NRXN3: variants seen among roughly 807,000 people sequenced by gnomAD.
NRXN3 encodes the protein neurexin III.
A neutral mutation model predicts 137.6 loss-of-function variants in NRXN3; 32 were observed. That is an observed-to-expected ratio of 0.23 (90% confidence interval 0.18 to 0.31). NRXN3 has a LOEUF of 0.31. Ranked by LOEUF, NRXN3 falls within the 10% of genes least tolerant of loss-of-function variation. The pLI, the probability that NRXN3 is intolerant of heterozygous loss-of-function variation, is 1.00. For missense variants in NRXN3, 1,574 were observed against 2,062.5 expected (o/e 0.76, Z 4.59); for synonymous variants, 798 against 784.5 (o/e 1.02, Z -0.29).
intron 4 of NRXN3, among the ~76,000 whole-genome samples, chr14:78,524,905 G>C (rs959030573): frequency 6.6e-6 from 1 of 152,158 alleles, no homozygotes; most frequent in Admixed American, 6.5e-5. Context: ...ATGTGAGTTT[G>C]CCTGAAGAGG....
chr14:79,801,441 G>A (rs1363036628), intron 19 of NRXN3, among the ~76,000 whole-genome samples: 2 of 152,214 alleles, frequency 1.3e-5, no homozygotes, highest in Non-Finnish European at 2.9e-5. Context: ...TAAATTAGGA[G>A]TGGCTATCAG....
At chr14:78,757,528 C>G (rs1175891819) in intron 8 of NRXN3, among the ~76,000 whole-genome samples, 1 of 152,110 alleles carries the variant, frequency 6.6e-6, no homozygotes, top group African/African-American at 2.4e-5. Context: ...TGTCTGTCTT[C>G]AAGGTATGGA....
chr14:79,394,367 A>G (rs1211649644), intron 15 of NRXN3, among the ~76,000 whole-genome samples: 4 of 152,224 alleles, frequency 2.6e-5, no homozygotes, highest in African/African-American at 9.6e-5. Context: ...GTGATTAGTC[A>G]GGTACACTTC....
intron 15 of NRXN3, among the ~76,000 whole-genome samples, chr14:79,098,296 A>G (rs1245183168): frequency 6.6e-6 from 1 of 152,218 alleles, no homozygotes; most frequent in Non-Finnish European, 1.5e-5. Context: ...GAGATACCCC[A>G]GTTCCTTAAA....
At chr14:79,336,241 T>A (rs1018573984) in intron 15 of NRXN3, among the ~76,000 whole-genome samples, 5 of 152,116 alleles carry the variant, frequency 3.3e-5, no homozygotes, top group Non-Finnish European at 7.4e-5. Context: ...CCCCCCATTC[T>A]TACAACAGCC....
At chr14:79,379,471 A>G (rs1209595975) in intron 15 of NRXN3, among the ~76,000 whole-genome samples, 1 of 152,150 alleles carries the variant, frequency 6.6e-6, no homozygotes, top group African/African-American at 2.4e-5. Flanking sequence ...AGCTGCTTCC[A>G]CAATAACATA....
intron 1 of NRXN3, among the ~76,000 whole-genome samples, chr14:78,172,451 G>A (rs1233292903): frequency 6.6e-6 from 1 of 152,190 alleles, no homozygotes; most frequent in African/African-American, 2.4e-5. Flanking sequence ...GGAGTGAGAG[G>A]AGGCAAGGCT....
intron 2 of NRXN3, among the ~76,000 whole-genome samples, chr14:78,270,787 A>G (rs1954523288): frequency 6.6e-6 from 1 of 152,378 alleles, no homozygotes; most frequent in South Asian, 2.1e-4. Flanking sequence ...CAGTTCTGTT[A>G]CAACACTTGT....
intron 19 of NRXN3, among the ~76,000 whole-genome samples, chr14:79,779,669 C>G (rs923741552): frequency 1.3e-5 from 2 of 152,102 alleles, no homozygotes; most frequent in African/African-American, 4.8e-5. Context: ...TCTCTCTACC[C>G]CCATCCCATC....
intron 2 of NRXN3, among the ~76,000 whole-genome samples, chr14:78,262,661 C>T (rs187874815): frequency 2.6e-5 from 4 of 152,238 alleles, no homozygotes; most frequent in East Asian, 1.9e-4. Flanking sequence ...TTTGTTTTCT[C>T]GGTACATGAA....
At chr14:79,281,275 T>C (rs540554761) in intron 15 of NRXN3, among the ~76,000 whole-genome samples, 1 of 152,264 alleles carries the variant, frequency 6.6e-6, no homozygotes, top group Non-Finnish European at 1.5e-5. Context: ...TGTATGCAAA[T>C]GTTATTTCAT....
At chr14:78,502,296 G>A (rs1225723835) in intron 4 of NRXN3, among the ~76,000 whole-genome samples, 1 of 152,192 alleles carries the variant, frequency 6.6e-6, no homozygotes, top group Non-Finnish European at 1.5e-5. Flanking sequence ...CTGCTACCTA[G>A]CAATAGCTTT....
At chr14:79,057,995 C>A (rs956971308) in intron 15 of NRXN3, among the ~76,000 whole-genome samples, 2 of 152,000 alleles carry the variant, frequency 1.3e-5, no homozygotes, top group Admixed American at 1.3e-4. Flanking sequence ...AGAGTTAGAG[C>A]AATTGATAAT....
At chr14:78,408,376 T>TGTC (rs2092626852) in intron 4 of NRXN3, among the ~76,000 whole-genome samples, 1 of 152,210 alleles carries the variant, frequency 6.6e-6, no homozygotes, top group African/African-American at 2.4e-5. Flanking sequence ...CCAAAGCATA[T>TGTC]GTCAGAACAA....
intron 15 of NRXN3, among the ~76,000 whole-genome samples, chr14:79,214,060 A>G (rs952002938): frequency 3.3e-5 from 5 of 152,262 alleles, no homozygotes; most frequent in African/African-American, 9.6e-5. Context: ...GTGTTCTGTC[A>G]TAATTTGTAA....
chr14:79,023,322 ACCAAGCT>A (rs1372203475), intron 15 of NRXN3, among the ~76,000 whole-genome samples: 1 of 152,080 alleles, frequency 6.6e-6, no homozygotes. Flanking sequence ...AGCACAACAG[ACCAAGCT>A]CCAAGCTTTT....
intron 15 of NRXN3, among the ~76,000 whole-genome samples, chr14:79,002,827 C>A (rs1052621215): frequency 6.6e-6 from 1 of 152,124 alleles, no homozygotes; most frequent in Non-Finnish European, 1.5e-5. Flanking sequence ...AATTTACATT[C>A]CCACCAACAG....
intron 15 of NRXN3, among the ~76,000 whole-genome samples, chr14:79,458,668 G>T (rs2153599691): frequency 6.6e-6 from 1 of 152,196 alleles, no homozygotes; most frequent in Admixed American, 6.5e-5. Flanking sequence ...ATTTTCTTAA[G>T]CCTGAATACT....
At chr14:78,849,715 G>A (rs2099037477) in intron 10 of NRXN3, among the ~76,000 whole-genome samples, 1 of 151,580 alleles carries the variant, frequency 6.6e-6, no homozygotes, top group Non-Finnish European at 1.5e-5. Flanking sequence ...TGGAATTGGG[G>A]GTAGGGTGCA....
Sources: allele counts gnomAD v4.1 joint callset (sites outside exome capture counted in the v4.1 genomes callset), GRCh38; gene constraint gnomAD v4.1.1; transcripts MANE v1.5; gene names NCBI Gene and HGNC (gene_info 2026-07-23, HGNC 2026-07-21).